Variants in CLIC1 observed in about 807,000 individuals in gnomAD.
CLIC1 encodes the protein chloride intracellular channel protein 1.
Under a neutral mutation model 26.4 loss-of-function variants are expected in CLIC1, and 16 were observed. The observed-to-expected ratio is 0.61, with a 90% CI of 0.41 to 0.92. The LOEUF is 0.92. Among genes scored for constraint, CLIC1 ranks in the 40% least tolerant of loss-of-function variants. The pLI is 0.00. For missense variants in CLIC1, 225 were observed against 289.7 expected (o/e 0.78, Z 1.62); for synonymous variants, 98 against 120.8 (o/e 0.81, Z 1.24).
rs1250314153 is a variant in CLIC1 at position 31,730,894 on chromosome 6, T to C, written c.674A>G (p.Asp225Gly). The C allele has an allele frequency of 6.2e-7, 1 of 1,612,964 alleles. No homozygotes were observed. The highest frequency in any genetic ancestry group is 8.5e-7 in the Non-Finnish European group (1 of 1,180,044). Residue 225 changes from aspartate to glycine, a missense_variant, in exon 6 of 6, where the codon GAT becomes GGT. By Grantham distance (94) the Asp-to-Gly change is moderately conservative. Transcript: ENST00000375784. The surrounding 1 kb of genome is among the most constrained non-coding windows in gnomAD (Gnocchi z 5.1). ...ATAGGCGAGCTCGATCTCCTCATCA[T>C]CTGGACAGGTGGAAGCGAATTCTTC...
intron 1 of CLIC1, among the ~76,000 whole-genome samples, chr6:31,735,009 G>C (rs1179859340): frequency 6.6e-6 from 1 of 151,876 alleles, no homozygotes; most frequent in Non-Finnish European, 1.5e-5. Context: ...GAATCTCTGC[G>C]GCACAGCCTC....
At chr6:31,736,568 G>A, upstream of CLIC1, 1 of 1,349,996 alleles carries the variant, frequency 7.4e-7, no homozygotes. This position sits in a 1 kb window ranked among gnomAD's most constrained non-coding sequence, Gnocchi z 5.0. Flanking sequence ...CCTGAACCTG[G>A]GGAGGGGACT....
rs766229538 is a variant in CLIC1, at chr6:31,730,887, C to A, written c.681G>T (p.Glu227Asp). 32 of 1,613,002 alleles carry A rather than the reference C, an allele frequency of 2.0e-5. No individual in the cohort carries two copies. The highest frequency in any genetic ancestry group is 3.3e-5 in the South Asian group (3 of 91,090). Residue 227 changes from glutamate to aspartate, a missense_variant, in exon 6 of 6, where the codon GAG becomes GAT. Transcript: ENST00000375784. The surrounding 1 kb of genome is among the most constrained non-coding windows in gnomAD (Gnocchi z 5.1). ...CTTGCTCATAGGCGAGCTCGATCTCCTCATCATCTGGACAGGTGGAAGCGA... is the reference window on the plus strand; with the variant it reads ...CTTGCTCATAGGCGAGCTCGATCTCATCATCATCTGGACAGGTGGAAGCGA...
Position 31,733,446 on chromosome 6 carries a change from A to G in CLIC1, c.382+120T>C, listed in dbSNP as rs1371810209. 5.6e-6 allele frequency: 4 copies of G among 708,580 alleles called. No individual in the cohort carries two copies. Among genetic ancestry groups the G allele is most frequent in the Non-Finnish European group, 9.8e-6 (4 of 408,930 alleles). The allele number at this position is 708,580 out of a possible 1,614,324, so 43.9% of individuals were successfully genotyped here. On this transcript the variant is annotated intron_variant, in intron 4 of 5. Coordinates refer to ENST00000375784, the Ensembl canonical transcript of CLIC1. The surrounding 1 kb of genome is among the most constrained non-coding windows in gnomAD (Gnocchi z 5.4). ...AAGCAAAAATGGGAAGCTGGGGGAA[A>G]TTTACGAACATCTGCTTCATCTCCC...
Position 31,730,968 on chromosome 6 carries a change from G to A in CLIC1, c.600C>T (p.Pro200=), listed in dbSNP as rs757790369. The change falls in exon 6 of 6, where the codon CCC becomes CCT. Residue 200 remains proline (P), a synonymous_variant. Transcript: ENST00000375784. This position sits in a 1 kb window ranked among gnomAD's most constrained non-coding sequence, Gnocchi z 5.1. ...ACCGATGCACTCCCCGGAAGGCCTC[G>A]GGGATGGTGAATCCCCGGTACTTCT... 1.2e-6 allele frequency: 2 copies of A among 1,612,784 alleles called. No individual in the cohort carries two copies. The highest frequency in any genetic ancestry group is 1.7e-5 in the Admixed American group (1 of 59,988).
Position 31,730,679 on chromosome 6 carries a change from T to G in CLIC1, c.*163A>C. The G allele has an allele frequency of 2.9e-6, 2 of 680,812 alleles. No individual in the cohort carries two copies. Among genetic ancestry groups the G allele is most frequent in the Non-Finnish European group, 5.0e-6 (2 of 402,088 alleles). 42.2% of individuals were successfully genotyped at this position (680,812 alleles called of 1,614,324 possible). A position where few individuals can be genotyped will look rare whatever the true frequency, so the allele number is the denominator to read the frequency against. ...ATAAAAATCTGACCCAGGCCCCCCA[T>G]TTCTTTCCCTCATCCCCTCTTCCAC... On this transcript the variant is annotated 3_prime_UTR_variant, in exon 6 of 6. Coordinates refer to ENST00000375784, the Ensembl canonical transcript of CLIC1. This position sits in a 1 kb window ranked among gnomAD's most constrained non-coding sequence, Gnocchi z 5.1.
rs1315787779 is a variant in CLIC1 at position 31,733,253 on chromosome 6, T to A, written c.382+313A>T. ...ATTATACGGCTAGTTGGATTTGTACTCAGGTAGTCTGGATCTAGAGTGATG... is the reference window on the plus strand; with the variant it reads ...ATTATACGGCTAGTTGGATTTGTACACAGGTAGTCTGGATCTAGAGTGATG... On this transcript the variant is annotated intron_variant, in intron 4 of 5. Transcript: ENST00000375784. The surrounding 1 kb of genome is among the most constrained non-coding windows in gnomAD (Gnocchi z 5.4). Among the ~76,000 whole-genome samples, 1 of 152,226 alleles carries A rather than the reference T, an allele frequency of 6.6e-6. No individual in the cohort carries two copies. The highest frequency in any genetic ancestry group is 1.5e-5 in the Non-Finnish European group (1 of 68,036).
In CLIC1 at chr6:31,732,499, T is replaced by C. The variant is rs1808046178; in HGVS notation, c.383-101A>G. ...ACTAATGGTGAGTCCAAAATAATAA[T>C]AGCTAACACTCATGTAGTTACTTTT... On this transcript the variant is annotated intron_variant, in intron 4 of 5. Coordinates refer to ENST00000375784, the Ensembl canonical transcript of CLIC1. The surrounding 1 kb of genome is among the most constrained non-coding windows in gnomAD (Gnocchi z 5.0). 2 of 666,782 alleles carry C rather than the reference T, an allele frequency of 3.0e-6. No homozygotes were observed. The highest frequency in any genetic ancestry group is 1.9e-5 in the African/African-American group (1 of 53,802). The allele number at this position is 666,782 out of a possible 1,614,324, so 41.3% of individuals were successfully genotyped here.
At chr6:31,731,810 C>T (rs547987272) in intron 5 of CLIC1, among the ~76,000 whole-genome samples, 9 of 152,300 alleles carry the variant, frequency 5.9e-5, no homozygotes, top group Non-Finnish European at 1.2e-4. Context: ...ATGACAAAAA[C>T]ATGGGAACCA....
rs1157790363 is a variant in CLIC1, at chr6:31,734,376, C to T, written c.40-113G>A. ...GTTTTCTGCCTAGTCATGACACATA[C>T]ACTGTCCCCTCACTATGGGCTCTTT... On this transcript the variant is annotated intron_variant, in intron 1 of 5. Coordinates refer to ENST00000375784, the Ensembl canonical transcript of CLIC1. The surrounding 1 kb of genome is among the most constrained non-coding windows in gnomAD (Gnocchi z 5.3). The T allele has an allele frequency of 1.3e-6, 1 of 764,194 alleles. No individual in the cohort carries two copies. The highest frequency in any genetic ancestry group is 2.2e-6 in the Non-Finnish European group (1 of 449,092). 47.3% of individuals were successfully genotyped at this position (764,194 alleles called of 1,614,324 possible).
rs558538356 is a variant in CLIC1, at chr6:31,730,698, C to T, written c.*144G>A. ...CCCCCATTTCTTTCCCTCATCCCCT[C>T]TTCCACCACACCATCCCGGAACAAG... On this transcript the variant is annotated 3_prime_UTR_variant, in exon 6 of 6. Transcript: ENST00000375784. This position sits in a 1 kb window ranked among gnomAD's most constrained non-coding sequence, Gnocchi z 5.1. The T allele has an allele frequency of 1.2e-6, 1 of 848,258 alleles. No individual in the cohort carries two copies. Among genetic ancestry groups the T allele is most frequent in the African/African-American group, 1.7e-5 (1 of 59,052 alleles). 52.5% of individuals were successfully genotyped at this position (848,258 alleles called of 1,614,324 possible).
In CLIC1 at chr6:31,731,108, C is replaced by G. The variant is rs1030301990; in HGVS notation, c.565-105G>C. On this transcript the variant is annotated intron_variant, in intron 5 of 5. Coordinates refer to ENST00000375784, the Ensembl canonical transcript of CLIC1. Reference sequence around the variant, plus strand: ...ATGATAAAACCAGCTCAACTCCTCACTGTCTTGTACTGTCGTTAGCCTTCC... The same window carrying G: ...ATGATAAAACCAGCTCAACTCCTCAGTGTCTTGTACTGTCGTTAGCCTTCC... 11 of 869,112 alleles carry G rather than the reference C, an allele frequency of 1.3e-5. No individual in the cohort carries two copies. The African/African-American group carries it at 1.9e-4, about 15-fold the overall frequency. 53.8% of individuals were successfully genotyped at this position (869,112 alleles called of 1,614,324 possible).
rs1412609705 is a variant in CLIC1 at position 31,733,351 on chromosome 6, A to G, written c.382+215T>C. Among the ~76,000 whole-genome samples the G allele has an allele frequency of 6.6e-6, 1 of 152,224 alleles. No homozygotes were observed. The highest frequency in any genetic ancestry group is 2.4e-5 in the African/African-American group (1 of 41,458). On this transcript the variant is annotated intron_variant, in intron 4 of 5. Coordinates refer to ENST00000375784, the Ensembl canonical transcript of CLIC1. The surrounding 1 kb of genome is among the most constrained non-coding windows in gnomAD (Gnocchi z 5.4). Reference sequence around the variant, plus strand: ...CAACTAACGTCCTCAGTGGGGCAGAAGAGGCTAGGGAACAAATGAGAAAAG... The same window carrying G: ...CAACTAACGTCCTCAGTGGGGCAGAGGAGGCTAGGGAACAAATGAGAAAAG...
In CLIC1 at chr6:31,732,744, T is replaced by C. The variant is rs868226402; in HGVS notation, c.383-346A>G. ...TATTTTTTTCAGTAGAGACCAGTCA[T>C]GTTGGCCAGGCTGGTCTCCAACTCC... On this transcript the variant is annotated intron_variant, in intron 4 of 5. Transcript: ENST00000375784. The surrounding 1 kb of genome is among the most constrained non-coding windows in gnomAD (Gnocchi z 5.0). Among the ~76,000 whole-genome samples, 2 of 151,824 alleles carry C rather than the reference T, an allele frequency of 1.3e-5. No homozygotes were observed. The highest frequency in any genetic ancestry group is 2.4e-5 in the African/African-American group (1 of 41,388).
chr6:31,736,455 A>T lies in CLIC1; in HGVS notation c.-155T>A. ...CTCAATCAGACCTACTTGCACCCAA[A>T]CTAGGCCTCCCCACCAGCCCAACGC... On this transcript the variant is annotated 5_prime_UTR_variant, in exon 1 of 6. Transcript: ENST00000375784. This position sits in a 1 kb window ranked among gnomAD's most constrained non-coding sequence, Gnocchi z 5.0. The T allele has an allele frequency of 7.0e-7, 1 of 1,431,698 alleles. No individual in the cohort carries two copies. Among genetic ancestry groups the T allele is most frequent in the Non-Finnish European group, 9.2e-7 (1 of 1,087,090 alleles). The allele number at this position is 1,431,698 out of a possible 1,614,324, so 88.7% of individuals were successfully genotyped here.
chr6:31,733,559 G>T lies in CLIC1; in HGVS notation c.382+7C>A. The T allele has an allele frequency of 3.7e-6, 6 of 1,605,834 alleles. No homozygotes were observed. The highest frequency in any genetic ancestry group is 5.1e-6 in the Non-Finnish European group (6 of 1,173,840). On this transcript the variant is annotated splice_region_variant and intron_variant, in intron 4 of 5. Transcript: ENST00000375784. The surrounding 1 kb of genome is among the most constrained non-coding windows in gnomAD (Gnocchi z 5.4). ...CAGGACCCAGGCCTCTGACCCACAA[G>T]ACTCACTGTCATTGAGTGCTGGGTT...
chr6:31,736,506 G>T lies in CLIC1; in HGVS notation c.-206C>A, dbSNP rs913739923. On this transcript the variant is annotated 5_prime_UTR_variant, in exon 1 of 6. Coordinates refer to ENST00000375784, the Ensembl canonical transcript of CLIC1. The surrounding 1 kb of genome is among the most constrained non-coding windows in gnomAD (Gnocchi z 5.0). ...ACCCCACACCCAGCTCCTCCAGCTC[G>T]GTCCTCTCCCGGGCTGGATCAGAGA... The T allele has an allele frequency of 1.4e-6, 2 of 1,392,178 alleles. No individual in the cohort carries two copies. The highest frequency in any genetic ancestry group is 1.9e-6 in the Non-Finnish European group (2 of 1,073,040). The allele number at this position is 1,392,178 out of a possible 1,614,324, so 86.2% of individuals were successfully genotyped here. A position where few individuals can be genotyped will look rare whatever the true frequency, so the allele number is the denominator to read the frequency against.
Position 31,734,035 on chromosome 6 carries a change from G to A in CLIC1, c.150-74C>T, listed in dbSNP as rs1808170630. ...CCAGAAAGGGGGAATGGAGGACGTGGGATAAGAAAGGGACTCCAGGGGGAG... is the reference window on the plus strand; with the variant it reads ...CCAGAAAGGGGGAATGGAGGACGTGAGATAAGAAAGGGACTCCAGGGGGAG... On this transcript the variant is annotated intron_variant, in intron 2 of 5. Coordinates refer to ENST00000375784, the Ensembl canonical transcript of CLIC1. The surrounding 1 kb of genome is among the most constrained non-coding windows in gnomAD (Gnocchi z 5.3). 6.3e-7 allele frequency: 1 copy of A among 1,597,400 alleles called. No individual in the cohort carries two copies. Among genetic ancestry groups the A allele is most frequent in the East Asian group, 2.2e-5 (1 of 44,670 alleles).
In CLIC1 at chr6:31,734,585, T is replaced by A. The variant is rs970688859; in HGVS notation, c.40-322A>T. On this transcript the variant is annotated intron_variant, in intron 1 of 5. Transcript: ENST00000375784. This position sits in a 1 kb window ranked among gnomAD's most constrained non-coding sequence, Gnocchi z 5.3. ...TGGAACTTCAGTGAGGCCAGAGTTG[T>A]AGGCTAGAAGCCTGGATTTCTGGGT... Among the ~76,000 whole-genome samples the A allele has an allele frequency of 6.6e-6, 1 of 152,172 alleles. No individual in the cohort carries two copies. Among genetic ancestry groups the A allele is most frequent in the African/African-American group, 2.4e-5 (1 of 41,434 alleles).
Sources: allele counts gnomAD v4.1 joint callset (sites outside exome capture counted in the v4.1 genomes callset), GRCh38; gene constraint gnomAD v4.1.1; non-coding constraint Gnocchi (gnomAD v3.1); transcripts MANE v1.5; gene names NCBI Gene and HGNC (gene_info 2026-07-23, HGNC 2026-07-21).